The following EXOC4 variants were observed in gnomAD, a reference collection of about 807,000 sequenced individuals.
EXOC4 encodes the protein SEC8-like 1.
Under a neutral mutation model 107.2 loss-of-function variants are expected in EXOC4, and 71 were observed. The ratio of observed to expected loss-of-function variants is 0.66; its 90% CI spans 0.55 to 0.81. EXOC4 has a LOEUF of 0.81. EXOC4 is among the 30% of genes least tolerant of loss of function. The probability of loss-of-function intolerance (pLI) is 0.00; values close to 1 mark genes in which losing one functional copy is unlikely to be tolerated. For missense variants in EXOC4, 1,108 were observed against 1,189.6 expected (o/e 0.93, Z 1.01); for synonymous variants, 456 against 441.2 (o/e 1.03, Z -0.42).
At chr7:133,861,396 C>T (rs951517480) in intron 11 of EXOC4, among the ~76,000 whole-genome samples, 2 of 152,026 alleles carry the variant, frequency 1.3e-5, no homozygotes, top group African/African-American at 4.8e-5. Context: ...CACATGTGCC[C>T]CTGAACCTAG....
chr7:133,681,096 C>T (rs1585074961), intron 10 of EXOC4, among the ~76,000 whole-genome samples: 1 of 152,276 alleles, frequency 6.6e-6, no homozygotes, highest in South Asian at 2.1e-4. Context: ...TGTGTTTTGA[C>T]TTAAAAAAAT....
intron 14 of EXOC4, among the ~76,000 whole-genome samples, chr7:133,940,333 G>A (rs1800398333): frequency 6.6e-6 from 1 of 152,198 alleles, no homozygotes; most frequent in African/African-American, 2.4e-5. Flanking sequence ...AAAGTACCCA[G>A]TAAAGTTGAT....
intron 7 of EXOC4, among the ~76,000 whole-genome samples, chr7:133,434,797 A>G (rs544657788): frequency 1.3e-5 from 2 of 152,246 alleles, no homozygotes; most frequent in East Asian, 3.9e-4. Context: ...ATAAATCCAT[A>G]TGTCTCTTTG....
At chr7:133,901,902 C>G (rs959917623) in intron 12 of EXOC4, among the ~76,000 whole-genome samples, 4 of 152,008 alleles carry the variant, frequency 2.6e-5, no homozygotes, top group Non-Finnish European at 5.9e-5. Context: ...CTGTTAGGAC[C>G]CACTTCTCCC....
chr7:133,925,902 G>T (rs1392751404), intron 13 of EXOC4, among the ~76,000 whole-genome samples: 16 of 152,014 alleles, frequency 1.1e-4, no homozygotes, highest in African/African-American at 3.6e-4. Flanking sequence ...AGCTGGGCAT[G>T]GTTATACGTG....
At chr7:133,619,047 G>C (rs1802263631) in intron 9 of EXOC4, among the ~76,000 whole-genome samples, 1 of 152,016 alleles carries the variant, frequency 6.6e-6, no homozygotes, top group Non-Finnish European at 1.5e-5. Context: ...ACTGTTGCCA[G>C]TTAAGCCTAA....
At chr7:133,625,271 C>T (rs1802426536) in intron 9 of EXOC4, among the ~76,000 whole-genome samples, 1 of 152,222 alleles carries the variant, frequency 6.6e-6, no homozygotes, top group Non-Finnish European at 1.5e-5. Context: ...GAACACTGTA[C>T]TGAATGCCCT....
chr7:133,627,315 C>CTA (rs1802480018), intron 9 of EXOC4, among the ~76,000 whole-genome samples: 1 of 152,096 alleles, frequency 6.6e-6, no homozygotes, highest in Non-Finnish European at 1.5e-5. Context: ...TAGAGCGCAA[C>CTA]TATACATGAA....
intron 5 of EXOC4, among the ~76,000 whole-genome samples, chr7:133,351,153 G>A (rs187012634): frequency 2.4e-4 from 36 of 152,048 alleles, no homozygotes; most frequent in African/African-American, 8.7e-4. Context: ...GTTCATAAGT[G>A]ATATTGGTTT....
intron 6 of EXOC4, among the ~76,000 whole-genome samples, chr7:133,369,799 CCT>C (rs1491364819): frequency 2.4e-5 from 3 of 126,236 alleles, no homozygotes; most frequent in African/African-American, 9.2e-5. Flanking sequence ...TACTAGATTT[CCT>C]TTTTTTTTTT....
intron 10 of EXOC4, among the ~76,000 whole-genome samples, chr7:133,713,303 T>C (rs1213282151): frequency 6.6e-6 from 1 of 152,218 alleles, no homozygotes; most frequent in Non-Finnish European, 1.5e-5. Flanking sequence ...ATATGGACCA[T>C]GTTCATTCCT....
At chr7:134,061,730 A>G (rs530993021) in intron 17 of EXOC4, among the ~76,000 whole-genome samples, 1 of 152,300 alleles carries the variant, frequency 6.6e-6, no homozygotes, top group South Asian at 2.1e-4. Flanking sequence ...CTGTGCATCT[A>G]CAGGAAACAG....
At position 133,475,413 on chromosome 7, in the gene EXOC4, G is replaced by A. The variant is rs776508325; in HGVS notation, c.1268G>A (p.Arg423Gln). The change falls in exon 8 of 18, where the codon CGA becomes CAA. Residue 423 changes from arginine to glutamine, a missense_variant. By Grantham distance (43) the Arg-to-Gln change is conservative (BLOSUM62 1). Coordinates refer to ENST00000253861, the MANE Select transcript of EXOC4 (RefSeq NM_021807.4). ...CAACTAAGCTATGCCAGCACTGGAC[G>A]AGAGTTTGCAGCCTTTTTTGCCAAG... ...SAQLSYASTGREFAAFFAKKK... is the reference protein window; with the variant it reads ...SAQLSYASTGQEFAAFFAKKK... 14 of 1,613,958 alleles carry A rather than the reference G, an allele frequency of 8.7e-6. 1 individual carries two copies. Among genetic ancestry groups the A allele is most frequent in the Middle Eastern group, 1.6e-4 (1 of 6,084 alleles).
chr7:134,051,411 G>A (rs1795783877), intron 17 of EXOC4, among the ~76,000 whole-genome samples: 1 of 152,170 alleles, frequency 6.6e-6, no homozygotes, highest in African/African-American at 2.4e-5. Context: ...TGTGGCTCAT[G>A]CCTGTAATCC....
At chr7:133,671,831 T>C (rs1205707059) in intron 10 of EXOC4, among the ~76,000 whole-genome samples, 1 of 152,136 alleles carries the variant, frequency 6.6e-6, no homozygotes. Flanking sequence ...AAATGTAATT[T>C]CAGAAGACCA....
chr7:133,576,510 C>A, intron 9 of EXOC4: 1 of 1,287,226 alleles, frequency 7.8e-7, no homozygotes, highest in Non-Finnish European at 1.0e-6. Flanking sequence ...AAAACGTTTT[C>A]TTACATGGCC....
At chr7:133,490,277 T>C (rs1157449995) in intron 9 of EXOC4, among the ~76,000 whole-genome samples, 1 of 152,188 alleles carries the variant, frequency 6.6e-6, no homozygotes, top group South Asian at 2.1e-4. Context: ...TGATTCATGT[T>C]ACATGCAGCC....
intron 10 of EXOC4, among the ~76,000 whole-genome samples, chr7:133,713,027 G>C (rs1183493099): frequency 6.6e-6 from 1 of 152,190 alleles, no homozygotes; most frequent in African/African-American, 2.4e-5. Flanking sequence ...TTTGGAAATA[G>C]AGAGAGGTGG....
chr7:133,740,740 T>G lies in EXOC4; in HGVS notation c.1515-76585T>G, dbSNP rs375801390. 5.3e-5 allele frequency among the ~76,000 whole-genome samples: 8 copies of G among 152,324 alleles called. No individual in the cohort carries two copies. In the East Asian group the frequency reaches 1.3e-3, roughly 26 times the overall value. On this transcript the variant is annotated intron_variant, in intron 10 of 17. Coordinates refer to ENST00000253861, the MANE Select transcript of EXOC4 (RefSeq NM_021807.4). The stretch of plus-strand genomic sequence containing the variant: ...ACTCCCCCTTATAATAATAATTGCA[T>G]CTACTTGTATACAGAGAGTTTACAT...
Sources: gnomAD v4.1 joint callset for allele counts (sites outside exome capture counted in the v4.1 genomes callset) on GRCh38, gnomAD v4.1.1 for gene constraint, MANE v1.5 for transcripts, NCBI Gene and HGNC (gene_info 2026-07-23, HGNC 2026-07-21) for gene names.